Variants in PCLO observed in about 807,000 individuals in gnomAD.
The protein encoded by PCLO is piccolo presynaptic cytomatrix protein.
PCLO carries 82 observed loss-of-function variants against 427.5 expected under a neutral mutation model. The ratio of observed to expected loss-of-function variants is 0.19; its 90% CI spans 0.16 to 0.23. PCLO has a LOEUF of 0.23. Among genes scored for constraint, PCLO ranks in the 10% least tolerant of loss-of-function variants. PCLO has a pLI of 1.00. For missense variants in PCLO, 6,239 were observed against 6,115.9 expected (o/e 1.02, Z -0.67); for synonymous variants, 2,357 against 2,155.4 (o/e 1.09, Z -2.59).
intron 9 of PCLO, among the ~76,000 whole-genome samples, chr7:82,893,045 C>T (rs1026953825): frequency 2.6e-5 from 4 of 152,212 alleles, no homozygotes; most frequent in African/African-American, 7.2e-5. Flanking sequence ...ACTGGAAATA[C>T]CATTTGACCC....
intron 14 of PCLO, among the ~76,000 whole-genome samples, chr7:82,838,993 G>A (rs1261882938): frequency 6.6e-6 from 1 of 151,832 alleles, no homozygotes; most frequent in Admixed American, 6.6e-5. Context: ...GATGCTTATT[G>A]GCTGCTGCAC....
chr7:82,884,492 T>A (rs933812827), intron 9 of PCLO, among the ~76,000 whole-genome samples: 3 of 152,234 alleles, frequency 2.0e-5, no homozygotes, highest in African/African-American at 7.2e-5. Flanking sequence ...GACTGCCACA[T>A]TCACAAATGC....
chr7:82,909,077 A>C, intron 7 of PCLO, 64 bp from the exon 8 acceptor site: 1 of 1,549,952 alleles, frequency 6.5e-7, no homozygotes. Flanking sequence ...TGAGGGAAGC[A>C]GATGTTCTGT....
At chr7:83,030,345 G>A (rs1304260284) in intron 3 of PCLO, among the ~76,000 whole-genome samples, 1 of 152,132 alleles carries the variant, frequency 6.6e-6, no homozygotes, top group East Asian at 1.9e-4. Flanking sequence ...TTGAATAAAT[G>A]CTAGGATTTC....
chr7:82,917,085 T>C (rs1794486186), intron 6 of PCLO, among the ~76,000 whole-genome samples: 1 of 152,100 alleles, frequency 6.6e-6, no homozygotes, highest in Non-Finnish European at 1.5e-5. Context: ...TAATTATAAC[T>C]CCTACATTAG....
intron 6 of PCLO, among the ~76,000 whole-genome samples, chr7:82,932,399 A>T (rs997640750): frequency 2.6e-5 from 4 of 152,146 alleles, no homozygotes; most frequent in African/African-American, 9.7e-5. Flanking sequence ...AAGGTTGATA[A>T]ACACAGGCAA....
intron 6 of PCLO, among the ~76,000 whole-genome samples, chr7:82,942,626 T>A (rs1795111604): frequency 6.6e-6 from 1 of 152,156 alleles, no homozygotes. Flanking sequence ...TGTACATTTG[T>A]TTTAATTGAT....
chr7:82,973,545 A>G (rs941202960), intron 3 of PCLO, among the ~76,000 whole-genome samples: 1 of 152,124 alleles, frequency 6.6e-6, no homozygotes, highest in Non-Finnish European at 1.5e-5. Flanking sequence ...AGGTACTGTT[A>G]GAAACTTGTA....
At chr7:83,088,252 T>C (rs563182617) in intron 3 of PCLO, among the ~76,000 whole-genome samples, 1 of 152,084 alleles carries the variant, frequency 6.6e-6, no homozygotes, top group East Asian at 1.9e-4. Context: ...TTTAGGGAGA[T>C]GAAAAGCTGA....
intron 19 of PCLO, among the ~76,000 whole-genome samples, chr7:82,823,400 T>C (rs369334958): frequency 6.6e-6 from 1 of 152,162 alleles, no homozygotes; most frequent in Non-Finnish European, 1.5e-5. Flanking sequence ...TGCTGGACTT[T>C]CCTAGAAAAG....
intron 10 of PCLO, among the ~76,000 whole-genome samples, chr7:82,875,523 T>C (rs1277847677): frequency 2.0e-5 from 3 of 152,098 alleles, no homozygotes; most frequent in African/African-American, 7.2e-5. Context: ...ACTTGGCTTA[T>C]GAACATCAGA....
chr7:82,841,049 T>C (rs1288172671), intron 14 of PCLO, among the ~76,000 whole-genome samples: 2 of 151,868 alleles, frequency 1.3e-5, no homozygotes, highest in Admixed American at 6.6e-5. Context: ...CTATGAAAAA[T>C]ACTTCTCTAC....
chr7:82,814,702 T>C (rs938118535), intron 20 of PCLO, among the ~76,000 whole-genome samples: 3 of 151,870 alleles, frequency 2.0e-5, no homozygotes, highest in African/African-American at 7.2e-5. Flanking sequence ...ATCAAAGCAA[T>C]GATAACATGA....
intron 3 of PCLO, among the ~76,000 whole-genome samples, chr7:83,048,088 T>C (rs1298877649): frequency 6.6e-6 from 1 of 152,110 alleles, no homozygotes; most frequent in Non-Finnish European, 1.5e-5. Flanking sequence ...CTGGGATTTA[T>C]AATCTAAACA....
intron 3 of PCLO, among the ~76,000 whole-genome samples, chr7:83,052,285 T>C (rs1789274702): frequency 6.6e-6 from 1 of 152,002 alleles, no homozygotes; most frequent in Admixed American, 6.6e-5. Flanking sequence ...AAGTACTCTT[T>C]GTCCTTTCTG....
At chr7:82,861,138 A>G (rs1255073483) in intron 10 of PCLO, among the ~76,000 whole-genome samples, 1 of 151,986 alleles carries the variant, frequency 6.6e-6, no homozygotes. Flanking sequence ...TGGACTAAAC[A>G]CTTCGATCAA....
chr7:82,956,966 T>G (rs566541865), intron 4 of PCLO, 31 bp from the exon 5 acceptor site: 1 of 1,512,726 alleles, frequency 6.6e-7, no homozygotes, highest in South Asian at 1.3e-5. Context: ...ACAGGAAAAC[T>G]TAACATGGTT....
At chr7:83,098,335 A>G (rs1584022584) in intron 3 of PCLO, among the ~76,000 whole-genome samples, 1 of 152,284 alleles carries the variant, frequency 6.6e-6, no homozygotes, top group African/African-American at 2.4e-5. Context: ...CACTACATAC[A>G]ATCATATTTA....
chr7:82,763,985 A>G (rs1790482225), intron 22 of PCLO, among the ~76,000 whole-genome samples: 1 of 152,062 alleles, frequency 6.6e-6, no homozygotes, highest in Non-Finnish European at 1.5e-5. Flanking sequence ...TCATCAAATG[A>G]AAGAGACAAC....
Sources: gnomAD v4.1 joint callset for allele counts (sites outside exome capture counted in the v4.1 genomes callset) on GRCh38, gnomAD v4.1.1 for gene constraint, MANE v1.5 for transcripts, NCBI Gene and HGNC (gene_info 2026-07-23, HGNC 2026-07-21) for gene names.